The following AMOTL2 variants were observed in gnomAD, a reference collection of about 807,000 sequenced individuals.
AMOTL2 encodes angiomotin-like protein 2.
A neutral mutation model predicts 78.4 loss-of-function variants in AMOTL2; 33 were observed. The observed-to-expected ratio is 0.42, with a 90% confidence interval of 0.32 to 0.56. The LOEUF (loss-of-function observed/expected upper bound fraction) is 0.56, where lower values mean the gene tolerates loss of function less well. Ranked by LOEUF, AMOTL2 falls within the 20% of genes least tolerant of loss-of-function variation. The probability of loss-of-function intolerance (pLI) is 0.12; values close to 1 mark genes in which losing one functional copy is unlikely to be tolerated. For synonymous variants in AMOTL2, 422 were observed against 428.8 expected, an observed-to-expected ratio of 0.98 and a Z score of 0.20; for missense variants, 983 against 1,030.1, an observed-to-expected ratio of 0.95 and a Z score of 0.63.
At chr3:134,374,810 G>T, upstream of AMOTL2, 1 of 1,047,930 alleles carries the variant, frequency 9.5e-7, no homozygotes, top group Non-Finnish European at 1.1e-6. Flanking sequence ...TCGCCGACCC[G>T]CTCTCACCCT....
intron 1 of AMOTL2, chr3:134,371,981 G>A (rs2017884348): frequency 1.2e-5 from 2 of 162,826 alleles, no homozygotes; most frequent in Admixed American, 1.1e-4. Flanking sequence ...ATTCAGTCTA[G>A]GGGTGGATGG....
At chr3:134,359,574 T>G in intron 7 of AMOTL2, 71 bp from the exon 8 acceptor site, 1 of 1,334,942 alleles carries the variant, frequency 7.5e-7, no homozygotes. Flanking sequence ...TCCTGCCTCA[T>G]AGGAGTTAGA....
At chr3:134,375,386 T>C, upstream of AMOTL2, 1 of 774,098 alleles carries the variant, frequency 1.3e-6, no homozygotes, top group South Asian at 1.5e-5. Flanking sequence ...TCAGAGAGCT[T>C]AAGCAGCGTG....
intron 2 of AMOTL2, 147 bp from the exon 3 acceptor site, chr3:134,367,950 T>G: frequency 1.6e-5 from 10 of 644,694 alleles, no homozygotes; most frequent in Non-Finnish European, 2.6e-5. Context: ...TTACTGCAGA[T>G]AATTATTCAA....
chr3:134,362,179 T>C (rs2107739047), intron 5 of AMOTL2, among the ~76,000 whole-genome samples: 1 of 152,278 alleles, frequency 6.6e-6, no homozygotes, highest in Non-Finnish European at 1.5e-5. Flanking sequence ...AGGTAGGAAC[T>C]GTGATGCCCA....
chr3:134,361,673 C>A lies in AMOTL2; in HGVS notation c.1414G>T (p.Ala472Ser), dbSNP rs1289784722. The A allele has an allele frequency of 1.7e-5, 28 of 1,611,628 alleles. No individual in the cohort carries two copies. The Admixed American group carries it at 4.7e-4, about 27-fold the overall frequency. The change falls in exon 6 of 10, where the codon GCC (alanine) becomes TCC (serine). Residue 472 changes from alanine (A) to serine (S), a missense_variant. By Grantham distance (99) the Ala-to-Ser change is moderately conservative (BLOSUM62 1). Coordinates refer to ENST00000249883, the MANE Select transcript of AMOTL2 (RefSeq NM_016201.4). ...LGNAQGRAAR[A>S]EEELRKKQAY... Reference sequence around the variant, plus strand: ...TGCTTCTTGCGCAGCTCCTCTTCGGCTCGAGCTGCCCGGCCCTGCGCATTG... The same window carrying A: ...TGCTTCTTGCGCAGCTCCTCTTCGGATCGAGCTGCCCGGCCCTGCGCATTG...
intron 5 of AMOTL2, among the ~76,000 whole-genome samples, chr3:134,363,623 CTGCTGGCCTAGAAGGGCCAGAAGGGCAG>C (rs2017469834): frequency 6.6e-6 from 1 of 152,234 alleles, no homozygotes; most frequent in Admixed American, 6.5e-5. Flanking sequence ...CCAGGGGGCA[CTGCTGGCCTAGAAGGGCCAGAAGGGCAG>C]TGCTGGGGGG....
chr3:134,358,623 G>A lies in AMOTL2; in HGVS notation c.2201C>T (p.Pro734Leu), dbSNP rs544336577. ...CAGGCAGGTGGAGGTGCTGTCTGGG[G>A]GGCCCTCAGTCTGGGTGCTCCCATC... ...SRDGSTQTEG[P>L]PDSTSTCLPP... The change falls in exon 9 of 10, where the codon CCC becomes CTC. Residue 734 changes from proline (P) to leucine (L), a missense_variant. Coordinates refer to ENST00000249883, the MANE Select transcript of AMOTL2 (RefSeq NM_016201.4). 1.1e-5 allele frequency: 18 copies of A among 1,613,912 alleles called. No individual in the cohort carries two copies. Among genetic ancestry groups the A allele is most frequent in the African/African-American group, 4.0e-5 (3 of 75,044 alleles).
chr3:134,356,172 C>T lies in AMOTL2; in HGVS notation c.*1533G>A, dbSNP rs1045095450. 6.6e-6 allele frequency: 1 copy of T among 152,054 alleles called. No homozygotes were observed. Among genetic ancestry groups the T allele is most frequent in the African/African-American group, 2.4e-5 (1 of 41,234 alleles). 9.4% of individuals were successfully genotyped at this position (152,054 alleles called of 1,614,324 possible). On this transcript the variant is annotated 3_prime_UTR_variant, in exon 10 of 10. Coordinates refer to ENST00000249883, the MANE Select transcript of AMOTL2 (RefSeq NM_016201.4). ...TGCTTTGTAAACAATGCACATGAACCAAATGTATTTTTCAGCTTTAAACAG... is the reference window on the plus strand; with the variant it reads ...TGCTTTGTAAACAATGCACATGAACTAAATGTATTTTTCAGCTTTAAACAG...
At chr3:134,367,963 C>A in intron 2 of AMOTL2, 160 bp from the exon 3 acceptor site, 1 of 620,470 alleles carries the variant, frequency 1.6e-6, no homozygotes, top group Non-Finnish European at 2.7e-6. Context: ...TTATTCAACC[C>A]TCTAGTGTTA....
At chr3:134,365,964 A>G (rs1277652234) in intron 4 of AMOTL2, 55 bp from the exon 5 acceptor site, 1 of 1,560,692 alleles carries the variant, frequency 6.4e-7, no homozygotes, top group Non-Finnish European at 8.8e-7. Flanking sequence ...CCAGCTTGGG[A>G]TTTTTCCTGA....
In AMOTL2 at chr3:134,370,774, A is replaced by G. The variant is rs1171938111; in HGVS notation, c.660T>C (p.His220=). 1.3e-6 allele frequency: 2 copies of G among 1,525,822 alleles called. No individual in the cohort carries two copies. The highest frequency in any genetic ancestry group is 1.4e-5 in the African/African-American group (1 of 72,084). 94.5% of individuals were successfully genotyped at this position (1,525,822 alleles called of 1,614,324 possible). A position where few individuals can be genotyped will look rare whatever the true frequency, so the allele number is the denominator to read the frequency against. Reference sequence around the variant, plus strand: ...GGTCAGTGACAGCAGTGGTGGTCTCATGAGCTAGTACAACATGAGGGTACT... The same window carrying G: ...GGTCAGTGACAGCAGTGGTGGTCTCGTGAGCTAGTACAACATGAGGGTACT... The part of the protein sequence containing the change: ...PPQYPHVVLA[H]ETTTAVTDPR... The change falls in exon 2 of 10, where the codon CAT becomes CAC. Residue 220 remains histidine (H), a synonymous_variant. Coordinates refer to ENST00000249883, the MANE Select transcript of AMOTL2 (RefSeq NM_016201.4).
At position 134,357,556 on chromosome 3, in the gene AMOTL2, GA is replaced by G. The variant is rs1381991093; in HGVS notation, c.*148del. 1.2e-6 allele frequency: 1 copy of G among 824,198 alleles called. No homozygotes were observed. Among genetic ancestry groups the G allele is most frequent in the African/African-American group, 1.7e-5 (1 of 59,898 alleles). 51.1% of individuals were successfully genotyped at this position (824,198 alleles called of 1,614,324 possible). A position where few individuals can be genotyped will look rare whatever the true frequency, so the allele number is the denominator to read the frequency against. On this transcript the variant is annotated 3_prime_UTR_variant, in exon 10 of 10. Coordinates refer to ENST00000249883, the MANE Select transcript of AMOTL2 (RefSeq NM_016201.4). ...TCCTCTCCCCTGGGGTCCTCCTCCT[GA>G]GCTCCTGGGACCAGATGGTCAATGG...
At position 134,361,501 on chromosome 3, in the gene AMOTL2, T is replaced by C. The variant is rs758995949; in HGVS notation, c.1575+11A>G. 3 of 1,594,706 alleles carry C rather than the reference T, an allele frequency of 1.9e-6. No individual in the cohort carries two copies. Among genetic ancestry groups the C allele is most frequent in the Non-Finnish European group, 1.7e-6 (2 of 1,168,492 alleles). ...AGATGCTGCCCTAGCCTGGAGACTT[T>C]CTCAGCTCACCTGCTGTGCACGCAG... On this transcript the variant is annotated intron_variant, in intron 6 of 9. Coordinates refer to ENST00000249883, the MANE Select transcript of AMOTL2 (RefSeq NM_016201.4).
rs569744847 is a variant in AMOTL2, at chr3:134,355,706, A to G, written c.*1999T>C. On this transcript the variant is annotated 3_prime_UTR_variant, in exon 10 of 10. Coordinates refer to ENST00000249883, the MANE Select transcript of AMOTL2 (RefSeq NM_016201.4). ...CAAGAAATGTTATCTATGAAAGGGG[A>G]AAAATGCCAGCCACATCCTCATTCC... 6.6e-6 allele frequency among the ~76,000 whole-genome samples: 1 copy of G among 152,330 alleles called. No individual in the cohort carries two copies. The highest frequency in any genetic ancestry group is 2.1e-4 in the South Asian group (1 of 4,824).
At position 134,366,410 on chromosome 3, in the gene AMOTL2, C is replaced by A; in HGVS notation, c.1059G>T (p.Gln353His). 6.2e-7 allele frequency: 1 copy of A among 1,612,692 alleles called. No homozygotes were observed. Among genetic ancestry groups the A allele is most frequent in the Non-Finnish European group, 8.5e-7 (1 of 1,179,772 alleles). ...GGCTCTCATGGGCCTCAGAGAGCCGCTGGATTTCGCTTTCCAGCTGCAAGA... is the reference window on the plus strand; with the variant it reads ...GGCTCTCATGGGCCTCAGAGAGCCGATGGATTTCGCTTTCCAGCTGCAAGA... The part of the protein sequence containing the change: ...GRIEKLESEI[Q>H]RLSEAHESLT... The change falls in exon 4 of 10, where the codon CAG (glutamine) becomes CAT (histidine). Residue 353 changes from glutamine (Q) to histidine (H), a missense_variant. By Grantham distance (24) the Gln-to-His change is conservative. Coordinates refer to ENST00000249883, the MANE Select transcript of AMOTL2 (RefSeq NM_016201.4).
rs768608745 is a variant in AMOTL2 at position 134,371,043 on chromosome 3, G to C, written c.391C>G (p.Arg131Gly). 2.4e-5 allele frequency: 38 copies of C among 1,607,472 alleles called. No individual in the cohort carries two copies. The highest frequency in any genetic ancestry group is 3.1e-5 in the Non-Finnish European group (37 of 1,177,068). The change falls in exon 2 of 10, where the codon CGA becomes GGA. Residue 131 changes from arginine (R) to glycine (G), a missense_variant. Transcript: ENST00000249883. ...CCTCCCGGGGCCCCACGGGGATCTC[G>C]GTCCCCCGCATGTGGCCGGGTCCCT... ...QAGTRPHAGD[R>G]DPRGAPGGSR... is the part of the protein sequence containing the mutation.
chr3:134,372,426 A>G (rs1417839551), intron 1 of AMOTL2, among the ~76,000 whole-genome samples: 1 of 106,022 alleles, frequency 9.4e-6, no homozygotes, highest in Non-Finnish European at 1.8e-5. Flanking sequence ...GGTGCCACCC[A>G]TTAAGGTTAG....
At chr3:134,363,282 T>C (rs2017452765) in intron 5 of AMOTL2, among the ~76,000 whole-genome samples, 1 of 152,160 alleles carries the variant, frequency 6.6e-6, no homozygotes, top group South Asian at 2.1e-4. Flanking sequence ...CAGGATGGTA[T>C]CATTCTGTGG....
Sources: gnomAD v4.1 joint callset for allele counts (sites outside exome capture counted in the v4.1 genomes callset) on GRCh38, gnomAD v4.1.1 for gene constraint, MANE v1.5 for transcripts, NCBI Gene and HGNC (gene_info 2026-07-23, HGNC 2026-07-21) for gene names.